The following NBAS variants were observed in gnomAD, a reference collection of about 807,000 sequenced individuals.
NBAS encodes the protein NAG/BC035112 fusion.
NBAS carries 219 observed loss-of-function variants against 302.5 expected under a neutral mutation model. The ratio of observed to expected loss-of-function variants is 0.72; its 90% confidence interval spans 0.65 to 0.81. NBAS has a LOEUF of 0.81. Ranked by LOEUF, NBAS falls within the 30% of genes least tolerant of loss-of-function variation. The probability of loss-of-function intolerance (pLI) is 0.00; values close to 1 mark genes in which losing one functional copy is unlikely to be tolerated. For synonymous variants in NBAS, 1,118 were observed against 1,021.6 expected (o/e 1.09, Z -1.80); for missense variants, 2,932 against 2,841.6 (o/e 1.03, Z -0.72).
the NBAS span, among the ~76,000 whole-genome samples, chr2:15,132,857 A>C: frequency 7.8e-6 from 1 of 127,516 alleles, no homozygotes; most frequent in African/African-American, 2.5e-5. Context: ...TACACATACA[A>C]ACACACTAAA....
chr2:15,528,879 ATAT>A (rs1159665856), intron 9 of NBAS, among the ~76,000 whole-genome samples: 13 of 111,816 alleles, frequency 1.2e-4, no homozygotes, highest in African/African-American at 3.8e-4. Context: ...AAAAAAAAAA[ATAT>A]ATATATATAT....
the NBAS span, among the ~76,000 whole-genome samples, chr2:15,153,562 A>C: frequency 6.6e-6 from 1 of 152,230 alleles, no homozygotes; most frequent in Non-Finnish European, 1.5e-5. Context: ...GCATCTACCA[A>C]CATTGCTCTA....
chr2:15,533,397 T>C (rs1031246230), intron 9 of NBAS, among the ~76,000 whole-genome samples: 1 of 152,162 alleles, frequency 6.6e-6, no homozygotes, highest in Non-Finnish European at 1.5e-5. Flanking sequence ...AATGAATAAA[T>C]ATGTTGCAAA....
At chr2:15,080,781 G>A in the NBAS span, among the ~76,000 whole-genome samples, 1 of 152,230 alleles carries the variant, frequency 6.6e-6, no homozygotes, top group South Asian at 2.1e-4. Context: ...CTTTCAGCAT[G>A]ACAGTTTCAG....
chr2:14,895,386 A>T, the NBAS span, among the ~76,000 whole-genome samples: 1 of 152,258 alleles, frequency 6.6e-6, no homozygotes, highest in Non-Finnish European at 1.5e-5. Context: ...ATTTATGATT[A>T]AGACCTCAAA....
chr2:15,111,167 A>G, the NBAS span, among the ~76,000 whole-genome samples: 5 of 152,152 alleles, frequency 3.3e-5, no homozygotes, highest in Non-Finnish European at 7.4e-5. Flanking sequence ...AGAAGTTACT[A>G]GATAATGTCT....
the NBAS span, among the ~76,000 whole-genome samples, chr2:14,848,423 C>T: frequency 1.4e-5 from 2 of 141,842 alleles, no homozygotes; most frequent in Non-Finnish European, 3.0e-5. Flanking sequence ...CTCGGAGGGT[C>T]CTACGCCCAC....
At chr2:15,399,334 G>A (rs1377240446) in intron 26 of NBAS, among the ~76,000 whole-genome samples, 5 of 152,060 alleles carry the variant, frequency 3.3e-5, no homozygotes, top group Non-Finnish European at 7.4e-5. Flanking sequence ...GAGGAACCAG[G>A]GGCTTCTGCA....
At chr2:15,274,944 TG>T (rs1669500747) in intron 44 of NBAS, among the ~76,000 whole-genome samples, 1 of 151,294 alleles carries the variant, frequency 6.6e-6, no homozygotes, top group Non-Finnish European at 1.5e-5. Context: ...TTTTTTTTTT[TG>T]GTTTTTTTTT....
At chr2:15,000,082 A>G in the NBAS span, among the ~76,000 whole-genome samples, 2 of 152,252 alleles carry the variant, frequency 1.3e-5, no homozygotes, top group African/African-American at 4.8e-5. Context: ...AGTTCACTCT[A>G]TTATTTTATT....
chr2:15,340,264 G>A (rs937956271), intron 35 of NBAS, among the ~76,000 whole-genome samples: 2 of 152,124 alleles, frequency 1.3e-5, no homozygotes, highest in African/African-American at 4.8e-5. Flanking sequence ...GGTAGCAGTG[G>A]TGATAGTAAA....
chr2:15,429,724 T>A (rs561192104), intron 21 of NBAS, among the ~76,000 whole-genome samples: 1 of 152,202 alleles, frequency 6.6e-6, no homozygotes, highest in African/African-American at 2.4e-5. Flanking sequence ...AGTTAGCATG[T>A]AATATCCTAG....
intron 35 of NBAS, among the ~76,000 whole-genome samples, chr2:15,344,823 T>C (rs1673015525): frequency 6.6e-6 from 1 of 152,156 alleles, no homozygotes; most frequent in African/African-American, 2.4e-5. Flanking sequence ...CACGATCAAG[T>C]TGGCTTCATC....
chr2:15,532,772 T>C (rs1236951776), intron 9 of NBAS, among the ~76,000 whole-genome samples: 1 of 151,918 alleles, frequency 6.6e-6, no homozygotes, highest in Non-Finnish European at 1.5e-5. Context: ...AGTCAGTTTT[T>C]AAAACTAAAC....
downstream of NBAS, among the ~76,000 whole-genome samples, chr2:15,162,342 G>A (rs1186110108): frequency 4.6e-5 from 7 of 152,072 alleles, no homozygotes; most frequent in Non-Finnish European, 1.0e-4. Context: ...ACCCCCCTAG[G>A]TCATCTGAAC....
chr2:14,846,529 A>C, the NBAS span, among the ~76,000 whole-genome samples: 20 of 145,588 alleles, frequency 1.4e-4, no homozygotes, highest in African/African-American at 5.0e-4. Flanking sequence ...AAAAAACTAT[A>C]TAATATGATA....
the NBAS span, among the ~76,000 whole-genome samples, chr2:14,797,731 A>T: frequency 6.6e-6 from 1 of 152,026 alleles, no homozygotes; most frequent in African/African-American, 2.4e-5. Flanking sequence ...AGTTCGGGCC[A>T]AGGAGGAAGC....
At chr2:14,870,825 A>G in the NBAS span, among the ~76,000 whole-genome samples, 111 of 152,280 alleles carry the variant, frequency 7.3e-4, 1 homozygote, top group African/African-American at 2.0e-3. Context: ...CACAGATAAC[A>G]GAAGTTTGTA....
chr2:15,238,113 T>G (rs1030997133), intron 45 of NBAS, among the ~76,000 whole-genome samples: 1 of 152,072 alleles, frequency 6.6e-6, no homozygotes, highest in Non-Finnish European at 1.5e-5. Context: ...CAGCTAGAAG[T>G]AAAGTCTGAG....
Sources: allele counts gnomAD v4.1 joint callset (sites outside exome capture counted in the v4.1 genomes callset), GRCh38; gene constraint gnomAD v4.1.1; transcripts MANE v1.5; gene names NCBI Gene and HGNC (gene_info 2026-07-23, HGNC 2026-07-21).